SCD5: variants seen among roughly 807,000 people sequenced by gnomAD.
SCD5 encodes acyl-CoA-desaturase 4.
SCD5 carries 20 observed loss-of-function variants against 30.4 expected under a neutral mutation model. That is an observed-to-expected ratio of 0.66 (90% CI 0.46 to 0.96). The LOEUF is 0.96. Among genes scored for constraint, SCD5 ranks in the 40% least tolerant of loss-of-function variants. The probability of loss-of-function intolerance (pLI) is 0.00; values close to 1 mark genes in which losing one functional copy is unlikely to be tolerated. For synonymous variants in SCD5, 173 were observed against 176.4 expected (o/e 0.98, Z 0.16); for missense variants, 381 against 443.3 (o/e 0.86, Z 1.26).
At chr4:82,663,804 A>G (rs1455217425) in intron 3 of SCD5, among the ~76,000 whole-genome samples, 2 of 152,216 alleles carry the variant, frequency 1.3e-5, no homozygotes, top group African/African-American at 4.8e-5. Context: ...CCCCAGACAT[A>G]GGCAAAGAAA....
intron 1 of SCD5, among the ~76,000 whole-genome samples, chr4:82,758,727 G>A (rs1340065675): frequency 6.6e-6 from 1 of 152,040 alleles, no homozygotes; most frequent in East Asian, 1.9e-4. Flanking sequence ...CCGGGAGGGC[G>A]GGCCTTCCTT....
rs372704378 is a variant in SCD5, at chr4:82,758,464, C to G, written c.232+39842G>C. ...ACAGAGCGAGACTCTGTGGGTCCAC[C>G]CTCATGACATCATTTTAATTTCATT... On this transcript the variant is annotated intron_variant, in intron 1 of 4. Coordinates refer to ENST00000319540, the MANE Select transcript of SCD5 (RefSeq NM_001037582.3). Among the ~76,000 whole-genome samples, 27 of 152,150 alleles carry G rather than the reference C, an allele frequency of 1.8e-4. No individual in the cohort carries two copies. The South Asian group carries it at 5.2e-3, about 29-fold the overall frequency.
At chr4:82,760,101 G>A (rs1041760160) in intron 1 of SCD5, among the ~76,000 whole-genome samples, 2 of 152,036 alleles carry the variant, frequency 1.3e-5, no homozygotes, top group African/African-American at 4.8e-5. Context: ...TCCAACCTAT[G>A]CACAGCTACC....
chr4:82,651,646 G>T (rs1049405053), intron 3 of SCD5, among the ~76,000 whole-genome samples: 2 of 152,180 alleles, frequency 1.3e-5, no homozygotes, highest in African/African-American at 2.4e-5. Context: ...AGGTGTGGTG[G>T]CTCACGCCTG....
intron 1 of SCD5, among the ~76,000 whole-genome samples, chr4:82,740,213 A>G (rs1053186848): frequency 4.6e-5 from 7 of 152,248 alleles, no homozygotes; most frequent in African/African-American, 1.7e-4. Flanking sequence ...GGAGACATGG[A>G]GGAAATAATC....
At chr4:82,655,735 AC>A (rs1488114930) in intron 3 of SCD5, among the ~76,000 whole-genome samples, 1 of 152,206 alleles carries the variant, frequency 6.6e-6, no homozygotes, top group Non-Finnish European at 1.5e-5. Context: ...GCAACAATTA[AC>A]TTTCACATGT....
At chr4:82,645,639 G>C (rs925946144) in intron 3 of SCD5, among the ~76,000 whole-genome samples, 1 of 152,276 alleles carries the variant, frequency 6.6e-6, no homozygotes, top group African/African-American at 2.4e-5. Flanking sequence ...TCTGGACAAG[G>C]AGTCCATTTT....
At chr4:82,679,287 G>A (rs6817017) in intron 3 of SCD5, among the ~76,000 whole-genome samples, 102,123 of 126,112 alleles carry the variant, frequency 0.81, 41,068 homozygotes, top group Middle Eastern at 0.86. Context: ...AAAGAAGGAA[G>A]GAAAGAAAGA....
intron 1 of SCD5, among the ~76,000 whole-genome samples, chr4:82,710,531 T>A (rs1720061280): frequency 6.6e-6 from 1 of 151,826 alleles, no homozygotes; most frequent in Admixed American, 6.6e-5. Flanking sequence ...TGGCTCAGGG[T>A]GTGCAGTGGG....
At chr4:82,738,387 A>T (rs1253175837) in intron 1 of SCD5, among the ~76,000 whole-genome samples, 2 of 152,182 alleles carry the variant, frequency 1.3e-5, no homozygotes, top group African/African-American at 4.8e-5. Context: ...GTGCCACTGC[A>T]CTCCAGCCTG....
chr4:82,707,084 G>A (rs900564706), intron 1 of SCD5, among the ~76,000 whole-genome samples: 3 of 152,222 alleles, frequency 2.0e-5, no homozygotes, highest in Non-Finnish European at 4.4e-5. Flanking sequence ...TCCTTGTGGA[G>A]ACTCATATTC....
At chr4:82,746,964 G>GA (rs1024345970) in intron 1 of SCD5, among the ~76,000 whole-genome samples, 1 of 98,896 alleles carries the variant, frequency 1.0e-5, no homozygotes, top group Non-Finnish European at 2.5e-5. Context: ...GCGTCAGGGG[G>GA]AGAGGAGGAA....
intron 2 of SCD5, among the ~76,000 whole-genome samples, chr4:82,704,173 CTACAA>C (rs1719919974): frequency 1.3e-5 from 2 of 152,180 alleles, no homozygotes; most frequent in Non-Finnish European, 2.9e-5. Flanking sequence ...GAATTCTGAG[CTACAA>C]GAGCACTTAG....
chr4:82,662,857 C>CACA (rs1728046118), intron 3 of SCD5, among the ~76,000 whole-genome samples: 3 of 72,844 alleles, frequency 4.1e-5, no homozygotes, highest in Non-Finnish European at 5.6e-5. Context: ...AACTCCGTCT[C>CACA]AAAAAAAAAA....
At position 82,643,520 on chromosome 4, in the gene SCD5, AT is replaced by A. The variant is rs1476894484; in HGVS notation, c.570-6698del. 6.6e-5 allele frequency among the ~76,000 whole-genome samples: 10 copies of A among 152,350 alleles called. No individual in the cohort carries two copies. The East Asian group carries it at 1.9e-3, about 29-fold the overall frequency. ...TACTTGAGGCACCTACAACAGGAAA[AT>A]TCATAGCGACAGAAAAGAGAACAGA... On this transcript the variant is annotated intron_variant, in intron 3 of 4. Transcript: ENST00000319540.
At chr4:82,720,441 T>TAAAAAAAA (rs1553917690) in intron 1 of SCD5, among the ~76,000 whole-genome samples, 70 of 77,844 alleles carry the variant, frequency 9.0e-4, no homozygotes, top group South Asian at 1.5e-3. Context: ...AAGGCAAAAA[T>TAAAAAAAA]AAAAAAAAAA....
At chr4:82,634,538 AG>A (rs1425299053) in intron 4 of SCD5, among the ~76,000 whole-genome samples, 1 of 152,134 alleles carries the variant, frequency 6.6e-6, no homozygotes, top group Non-Finnish European at 1.5e-5. Flanking sequence ...GGTATGGAAA[AG>A]TTTCTTCACC....
chr4:82,742,876 C>G (rs926104332), intron 1 of SCD5, among the ~76,000 whole-genome samples: 3 of 152,220 alleles, frequency 2.0e-5, no homozygotes, highest in Non-Finnish European at 4.4e-5. Flanking sequence ...ATGTCAAACA[C>G]TGGCCAGGCT....
chr4:82,736,355 T>G (rs1295942909), intron 1 of SCD5, among the ~76,000 whole-genome samples: 1 of 151,570 alleles, frequency 6.6e-6, no homozygotes, highest in Non-Finnish European at 1.5e-5. Flanking sequence ...ACATCTGTAA[T>G]CCCAGCACTT....
Sources: gnomAD v4.1 joint callset for allele counts (sites outside exome capture counted in the v4.1 genomes callset) on GRCh38, gnomAD v4.1.1 for gene constraint, MANE v1.5 for transcripts, NCBI Gene and HGNC (gene_info 2026-07-23, HGNC 2026-07-21) for gene names.